UNC5D: variants seen among roughly 807,000 people sequenced by gnomAD.
UNC5D encodes the protein unc-5 netrin receptor D, also known as netrin receptor UNC5D.
A neutral mutation model predicts 105.4 loss-of-function variants in UNC5D; 39 were observed. The ratio of observed to expected loss-of-function variants is 0.37; its 90% confidence interval spans 0.29 to 0.48. The LOEUF is 0.48. Ranked by LOEUF, UNC5D falls within the 20% of genes least tolerant of loss-of-function variation. The pLI is 0.98. For missense variants in UNC5D, 991 were observed against 1,202.4 expected (o/e 0.82, Z 2.60); for synonymous variants, 452 against 450.4 (o/e 1.00, Z -0.04).
intron 1 of UNC5D, among the ~76,000 whole-genome samples, chr8:35,324,981 C>G (rs944202618): frequency 2.6e-5 from 4 of 152,052 alleles, no homozygotes; most frequent in African/African-American, 9.7e-5. Context: ...CTCAGCACAA[C>G]AGAATCTGGG....
At chr8:35,274,896 C>T (rs936027989) in intron 1 of UNC5D, among the ~76,000 whole-genome samples, 2 of 151,898 alleles carry the variant, frequency 1.3e-5, no homozygotes, top group African/African-American at 2.4e-5. Context: ...TTGAGACCAG[C>T]CTGGCCAACA....
At chr8:35,558,238 A>G (rs1049131726) in intron 2 of UNC5D, among the ~76,000 whole-genome samples, 1 of 152,032 alleles carries the variant, frequency 6.6e-6, no homozygotes, top group East Asian at 1.9e-4. Context: ...AGTGACAGAC[A>G]CATACAGGGT....
intron 8 of UNC5D, among the ~76,000 whole-genome samples, chr8:35,718,699 T>C (rs747649480): frequency 3.9e-5 from 6 of 152,046 alleles, no homozygotes; most frequent in Admixed American, 1.3e-4. Flanking sequence ...CAGAAGACCA[T>C]AGGGCGGCAG....
At chr8:35,248,744 A>G (rs1173948642) in intron 1 of UNC5D, among the ~76,000 whole-genome samples, 1 of 99,198 alleles carries the variant, frequency 1.0e-5, no homozygotes, top group African/African-American at 4.4e-5. Context: ...TAATATATAT[A>G]AAATATATAA....
At chr8:35,433,500 T>A (rs114450185) in intron 1 of UNC5D, among the ~76,000 whole-genome samples, 2,164 of 152,012 alleles carry the variant, frequency 0.014, 62 homozygotes, top group African/African-American at 0.05. Flanking sequence ...AACTCCCCCT[T>A]CAAAAAAAAT....
intron 1 of UNC5D, among the ~76,000 whole-genome samples, chr8:35,310,041 A>G (rs1330514461): frequency 1.3e-5 from 2 of 152,214 alleles, no homozygotes; most frequent in Admixed American, 1.3e-4. Flanking sequence ...AAGATTCTTC[A>G]TATCTTGACC....
intron 4 of UNC5D, among the ~76,000 whole-genome samples, chr8:35,650,400 C>T (rs1332986486): frequency 1.3e-5 from 2 of 152,148 alleles, no homozygotes; most frequent in Non-Finnish European, 2.9e-5. Flanking sequence ...GAGTATTTTA[C>T]TCCTCCTTAA....
chr8:35,430,257 C>G (rs1224056091), intron 1 of UNC5D, among the ~76,000 whole-genome samples: 4 of 152,098 alleles, frequency 2.6e-5, no homozygotes, highest in Non-Finnish European at 4.4e-5. Flanking sequence ...TTCCATAAAA[C>G]CCAAAATTAT....
At chr8:35,461,843 G>A (rs928973955) in intron 1 of UNC5D, among the ~76,000 whole-genome samples, 3 of 152,140 alleles carry the variant, frequency 2.0e-5, no homozygotes, top group Non-Finnish European at 4.4e-5. Flanking sequence ...AGACCTGGTT[G>A]CCATATATAA....
intron 4 of UNC5D, among the ~76,000 whole-genome samples, chr8:35,616,637 C>T (rs1821042792): frequency 1.3e-5 from 2 of 152,178 alleles, no homozygotes; most frequent in South Asian, 4.1e-4. Flanking sequence ...TTGACAAAAC[C>T]TGTCTTTATT....
At chr8:35,255,534 A>T (rs1289236864) in intron 1 of UNC5D, 1 of 152,146 alleles carries the variant, frequency 6.6e-6, no homozygotes, top group Non-Finnish European at 1.5e-5. Context: ...GTATTTATTT[A>T]ATCTCCCAAA....
intron 1 of UNC5D, among the ~76,000 whole-genome samples, chr8:35,288,851 T>A (rs1467577855): frequency 6.6e-6 from 1 of 152,024 alleles, no homozygotes; most frequent in Admixed American, 6.6e-5. Flanking sequence ...CCTATAGCAG[T>A]TTCACAAAAT....
chr8:35,539,416 C>T (rs1815110244), intron 1 of UNC5D, among the ~76,000 whole-genome samples: 1 of 152,036 alleles, frequency 6.6e-6, no homozygotes, highest in African/African-American at 2.4e-5. Flanking sequence ...AAGATACTTT[C>T]CAAGATTTTA....
intron 1 of UNC5D, among the ~76,000 whole-genome samples, chr8:35,339,084 C>T (rs894729091): frequency 1.3e-5 from 2 of 152,114 alleles, no homozygotes; most frequent in Non-Finnish European, 1.5e-5. Flanking sequence ...AGAGAACAGA[C>T]CCATGTAATA....
At chr8:35,329,400 GA>G (rs1810426980) in intron 1 of UNC5D, among the ~76,000 whole-genome samples, 1 of 147,302 alleles carries the variant, frequency 6.8e-6, no homozygotes, top group African/African-American at 2.5e-5. Context: ...TTATTGGGTT[GA>G]TATATATATA....
chr8:35,247,665 A>C (rs1192445199), intron 1 of UNC5D, among the ~76,000 whole-genome samples: 1 of 33,828 alleles, frequency 3.0e-5, no homozygotes, highest in Non-Finnish European at 4.5e-5. Flanking sequence ...TAAAATATAT[A>C]TAATATATAA....
intron 11 of UNC5D, among the ~76,000 whole-genome samples, chr8:35,738,665 ATACTT>A (rs1269407603): frequency 6.6e-6 from 1 of 152,238 alleles, no homozygotes; most frequent in African/African-American, 2.4e-5. Flanking sequence ...CATGTGATTT[ATACTT>A]TAAAGGTACA....
At position 35,726,520 on chromosome 8, in the gene UNC5D, C is replaced by A; in HGVS notation, c.1672C>A (p.Pro558Thr). 2 of 1,612,010 alleles carry A rather than the reference C, an allele frequency of 1.2e-6. No individual in the cohort carries two copies. The highest frequency in any genetic ancestry group is 1.7e-6 in the Non-Finnish European group (2 of 1,179,916). Reference protein sequence around the residue: ...FGHLGGRLVMPNTGVSLLIPH... With the variant: ...FGHLGGRLVMTNTGVSLLIPH... ...CCATTTAGGGGGGCGCTTAGTAATG[C>A]CAAATACAGGTGGGTGGTAAGTGTG... The change falls in exon 10 of 17, where the codon CCA (proline) becomes ACA (threonine). Residue 558 changes from proline (P) to threonine (T), a missense_variant. Transcript: ENST00000404895.
At chr8:35,268,895 G>A (rs941218785) in intron 1 of UNC5D, among the ~76,000 whole-genome samples, 1 of 152,108 alleles carries the variant, frequency 6.6e-6, no homozygotes, top group East Asian at 1.9e-4. Flanking sequence ...TACATTTATT[G>A]GGGATCCAAT....
Sources: gnomAD v4.1 joint callset for allele counts (sites outside exome capture counted in the v4.1 genomes callset) on GRCh38, gnomAD v4.1.1 for gene constraint, MANE v1.5 for transcripts, NCBI Gene and HGNC (gene_info 2026-07-23, HGNC 2026-07-21) for gene names.